Variants in TRUB1 observed in about 807,000 individuals in gnomAD.
The protein encoded by TRUB1 is pseudouridylate synthase TRUB1.
TRUB1 carries 23 observed loss-of-function variants against 33.9 expected under a neutral mutation model. The observed-to-expected ratio is 0.68, with a 90% CI of 0.49 to 0.96. The LOEUF is 0.96. TRUB1 is among the 40% of genes least tolerant of loss of function. The probability of loss-of-function intolerance (pLI) is 0.00; values close to 1 mark genes in which losing one functional copy is unlikely to be tolerated. For synonymous variants in TRUB1, 163 were observed against 165.4 expected, an observed-to-expected ratio of 0.99 and a Z score of 0.11; for missense variants, 378 against 422.2, an observed-to-expected ratio of 0.90 and a Z score of 0.92.
intron 2 of TRUB1, among the ~76,000 whole-genome samples, chr10:114,943,719 A>T (rs990023614): frequency 1.3e-5 from 2 of 152,270 alleles, no homozygotes; most frequent in African/African-American, 4.8e-5. Flanking sequence ...TTTTTCTCTT[A>T]TGGTCCAGCT....
intron 3 of TRUB1, among the ~76,000 whole-genome samples, chr10:114,956,381 C>T (rs1395244799): frequency 6.6e-6 from 1 of 152,154 alleles, no homozygotes; most frequent in Non-Finnish European, 1.5e-5. Context: ...ATTTTAGACT[C>T]CATAAGATAA....
intron 4 of TRUB1, among the ~76,000 whole-genome samples, chr10:114,961,083 A>T (rs1442533975): frequency 1.3e-5 from 2 of 152,162 alleles, no homozygotes; most frequent in African/African-American, 4.8e-5. Context: ...CTAGCTGCGC[A>T]AATTTGAAAT....
At chr10:114,938,599 A>T (rs2084171101) in intron 1 of TRUB1, 60 bp downstream of exon 1, 2 of 1,463,622 alleles carry the variant, frequency 1.4e-6, no homozygotes, top group Admixed American at 5.4e-5. Flanking sequence ...GAAGCACATT[A>T]GGCTTTTTGC....
chr10:114,938,861 G>A (rs1459067361), intron 1 of TRUB1, among the ~76,000 whole-genome samples: 1 of 152,176 alleles, frequency 6.6e-6, no homozygotes, highest in Non-Finnish European at 1.5e-5. Context: ...GGGTTCATGT[G>A]GATGAACCCC....
Position 114,975,431 on chromosome 10 carries a change from C to A in TRUB1, c.*52C>A. On this transcript the variant is annotated 3_prime_UTR_variant, in exon 8 of 8. Coordinates refer to ENST00000298746, the MANE Select transcript of TRUB1 (RefSeq NM_139169.5). ...CTAGTTGACATTTGAATCCTGTGTGCAGATGCAGAATGACAAGCTGCATTC... is the reference window on the plus strand; with the variant it reads ...CTAGTTGACATTTGAATCCTGTGTGAAGATGCAGAATGACAAGCTGCATTC... 1 of 1,458,034 alleles carries A rather than the reference C, an allele frequency of 6.9e-7. No individual in the cohort carries two copies. Among genetic ancestry groups the A allele is most frequent in the Non-Finnish European group, 9.1e-7 (1 of 1,100,710 alleles). 90.3% of individuals were successfully genotyped at this position (1,458,034 alleles called of 1,614,324 possible). A position where few individuals can be genotyped will look rare whatever the true frequency, so the allele number is the denominator to read the frequency against.
At chr10:114,958,789 G>T (rs1432159292) in intron 3 of TRUB1, among the ~76,000 whole-genome samples, 1 of 152,186 alleles carries the variant, frequency 6.6e-6, no homozygotes, top group Non-Finnish European at 1.5e-5. Context: ...TCAGTTCTTA[G>T]AAACGATTCT....
intron 4 of TRUB1, among the ~76,000 whole-genome samples, chr10:114,962,709 A>G (rs921162341): frequency 1.3e-5 from 2 of 152,198 alleles, no homozygotes; most frequent in Admixed American, 1.3e-4. Flanking sequence ...TGTCCTGTGT[A>G]CTGTCAGACT....
At chr10:114,962,915 A>C (rs1264927131) in intron 4 of TRUB1, among the ~76,000 whole-genome samples, 1 of 152,222 alleles carries the variant, frequency 6.6e-6, no homozygotes, top group Non-Finnish European at 1.5e-5. Context: ...TAAGCCGGGA[A>C]AGGCAAAGCA....
chr10:114,953,238 A>G (rs2084245169), intron 3 of TRUB1, among the ~76,000 whole-genome samples: 1 of 152,252 alleles, frequency 6.6e-6, no homozygotes, highest in African/African-American at 2.4e-5. Context: ...GCTGAATGTC[A>G]TACAGTGAAA....
At chr10:114,951,810 T>A (rs1192360658) in intron 3 of TRUB1, among the ~76,000 whole-genome samples, 1 of 152,138 alleles carries the variant, frequency 6.6e-6, no homozygotes, top group Non-Finnish European at 1.5e-5. Flanking sequence ...TAAGGGTCAA[T>A]GAAAATGCAC....
chr10:114,970,320 A>G (rs1335629511), intron 4 of TRUB1, 48 bp from the exon 5 acceptor site: 1 of 1,328,040 alleles, frequency 7.5e-7, no homozygotes, highest in Admixed American at 1.8e-5. Flanking sequence ...AAAATAGTAC[A>G]TGTACTTCTG....
intron 4 of TRUB1, among the ~76,000 whole-genome samples, chr10:114,964,507 TG>T (rs1481611687): frequency 1.3e-5 from 2 of 152,202 alleles, no homozygotes; most frequent in African/African-American, 4.8e-5. Flanking sequence ...TCTTGTCTTT[TG>T]AAAAACACAA....
At chr10:114,947,520 T>C (rs1047379993) in intron 2 of TRUB1, among the ~76,000 whole-genome samples, 1 of 152,234 alleles carries the variant, frequency 6.6e-6, no homozygotes, top group Non-Finnish European at 1.5e-5. Context: ...AATAAAAAAT[T>C]ATCCATTTTC....
intron 7 of TRUB1, among the ~76,000 whole-genome samples, chr10:114,974,633 T>C (rs769206284): frequency 6.6e-6 from 1 of 151,658 alleles, no homozygotes; most frequent in Non-Finnish European, 1.5e-5. Flanking sequence ...ATAATGAACG[T>C]AGGGCCAACA....
intron 4 of TRUB1, among the ~76,000 whole-genome samples, chr10:114,969,822 A>G (rs2084327669): frequency 6.6e-6 from 1 of 152,072 alleles, no homozygotes; most frequent in Non-Finnish European, 1.5e-5. Context: ...ACTTGACAAC[A>G]GAGTTGAATG....
At chr10:114,947,249 C>T (rs901522378) in intron 2 of TRUB1, among the ~76,000 whole-genome samples, 1 of 152,034 alleles carries the variant, frequency 6.6e-6, no homozygotes, top group African/African-American at 2.4e-5. Flanking sequence ...GAGAAGAACA[C>T]GGTCAAGCCA....
At chr10:114,963,966 C>CGT (rs35359334) in intron 4 of TRUB1, among the ~76,000 whole-genome samples, 4,859 of 148,944 alleles carry the variant, frequency 0.033, 120 homozygotes, top group African/African-American at 0.079. Context: ...GAATATAGGT[C>CGT]GTGTGTGTGT....
chr10:114,950,250 G>A (rs1326741311), intron 2 of TRUB1, among the ~76,000 whole-genome samples: 1 of 152,200 alleles, frequency 6.6e-6, no homozygotes, highest in Non-Finnish European at 1.5e-5. Context: ...AGCATTTAGA[G>A]TAGAATCTGA....
chr10:114,956,183 T>G (rs2084260994), intron 3 of TRUB1, among the ~76,000 whole-genome samples: 1 of 152,132 alleles, frequency 6.6e-6, no homozygotes, highest in Admixed American at 6.5e-5. Flanking sequence ...ATAATACCAG[T>G]GAGAAACTGT....
Sources: gnomAD v4.1 joint callset for allele counts (sites outside exome capture counted in the v4.1 genomes callset) on GRCh38, gnomAD v4.1.1 for gene constraint, MANE v1.5 for transcripts, NCBI Gene and HGNC (gene_info 2026-07-23, HGNC 2026-07-21) for gene names.